Variants in KIF3A observed in about 807,000 individuals in gnomAD.
KIF3A encodes the protein kinesin family member 3A.
Under a neutral mutation model 92.6 loss-of-function variants are expected in KIF3A, and 27 were observed. The ratio of observed to expected loss-of-function variants is 0.29; its 90% CI spans 0.21 to 0.40. The LOEUF (loss-of-function observed/expected upper bound fraction) is 0.40, where lower values mean the gene tolerates loss of function less well. Among genes scored for constraint, KIF3A ranks in the 10% least tolerant of loss-of-function variants. The probability of loss-of-function intolerance (pLI) is 1.00; values close to 1 mark genes in which losing one functional copy is unlikely to be tolerated. For synonymous variants in KIF3A, 250 were observed against 275.4 expected, an observed-to-expected ratio of 0.91 and a Z score of 0.92; for missense variants, 581 against 872.6, an observed-to-expected ratio of 0.67 and a Z score of 4.21.
downstream of KIF3A, chr5:132,689,481 T>C (rs945304622): frequency 1.4e-4 from 22 of 152,230 alleles, no homozygotes; most frequent in African/African-American, 5.1e-4. Context: ...TCAGATATTA[T>C]AGTCCTATCA....
chr5:132,733,533 C>T (rs1356616090), intron 2 of KIF3A, among the ~76,000 whole-genome samples: 1 of 152,186 alleles, frequency 6.6e-6, no homozygotes, highest in Non-Finnish European at 1.5e-5. Flanking sequence ...CTTTGAAAGG[C>T]CTCAGTAGGA....
In KIF3A at chr5:132,734,245, A is replaced by G; in HGVS notation, c.240T>C (p.Thr80=). 1 of 1,613,848 alleles carries G rather than the reference A, an allele frequency of 6.2e-7. No homozygotes were observed. Among genetic ancestry groups the G allele is most frequent in the East Asian group, 2.2e-5 (1 of 44,870 alleles). ...ESKQLDVYNL[T]ARPIIDSVLE... is the part of the protein sequence containing the mutation. ...GTACAGAATCAATAATAGGTCTTGC[A>G]GTTAAGTTATAAACATCAAGTTGTT... The change falls in exon 2 of 19, where the codon ACT becomes ACC. Residue 80 remains threonine (T), a synonymous_variant. Transcript: ENST00000403231.
rs534425538 is a variant in KIF3A at position 132,694,499 on chromosome 5, G to C, written c.*2135C>G. 6.6e-6 allele frequency: 1 copy of C among 152,354 alleles called. No individual in the cohort carries two copies. Among genetic ancestry groups the C allele is most frequent in the East Asian group, 1.9e-4 (1 of 5,322 alleles). The allele number at this position is 152,354 out of a possible 1,614,324, so 9.4% of individuals were successfully genotyped here. A position where few individuals can be genotyped will look rare whatever the true frequency, so the allele number is the denominator to read the frequency against. The stretch of plus-strand genomic sequence containing the variant: ...TAGATTTATTTTTATTATCATGGTA[G>C]GGTGGGATAGAAAAAATATCTAACA... On this transcript the variant is annotated 3_prime_UTR_variant, in exon 19 of 19. Transcript: ENST00000403231.
In KIF3A at chr5:132,703,604, G is replaced by A. The variant is rs202110850; in HGVS notation, c.1325C>T (p.Ser442Phe). 2 of 1,604,140 alleles carry A rather than the reference G, an allele frequency of 1.2e-6. No homozygotes were observed. Among genetic ancestry groups the A allele is most frequent in the East Asian group, 2.2e-5 (1 of 44,714 alleles). Reference sequence around the variant, plus strand: ...TTGCATTTCAATCATCTTGTCTGGGGAGACTTTCTTTTTTCCTATTTGAAT... The same window carrying A: ...TTGCATTTCAATCATCTTGTCTGGGAAGACTTTCTTTTTTCCTATTTGAAT... Reference protein sequence around the residue: ...LPNQAGKKKVSPDKMIEMQAK... With the variant: ...LPNQAGKKKVFPDKMIEMQAK... Residue 442 changes from serine to phenylalanine, a missense_variant, in exon 12 of 19, where the codon TCC becomes TTC. Ser to Phe is a radical substitution (Grantham distance 155). Around this residue, in one of 5 missense-constraint regions of KIF3A, gnomAD observed 167 missense variants for 205.8 expected, o/e 0.81. Coordinates refer to ENST00000403231, the MANE Select transcript of KIF3A (RefSeq NM_001300791.2).
intron 6 of KIF3A, 83 bp from the exon 7 acceptor site, chr5:132,716,525 G>T: frequency 8.3e-7 from 1 of 1,199,966 alleles, no homozygotes; most frequent in Admixed American, 2.2e-5. Context: ...AAAAAGTAAT[G>T]TAACAGTAAA....
Position 132,737,538 on chromosome 5 carries a change from C to A in KIF3A, c.-119G>T, listed in dbSNP as rs1025316222. ...CACCTCGTTGACGCTCTCGAGACTG[C>A]GGCTTCTCGGGCGAGAGCGCCCAGT... On this transcript the variant is annotated 5_prime_UTR_variant, in exon 1 of 19. Transcript: ENST00000403231. The A allele has an allele frequency of 1.6e-6, 2 of 1,213,978 alleles. No homozygotes were observed. The highest frequency in any genetic ancestry group is 2.3e-6 in the Non-Finnish European group (2 of 881,816). 75.2% of individuals were successfully genotyped at this position (1,213,978 alleles called of 1,614,324 possible). A position where few individuals can be genotyped will look rare whatever the true frequency, so the allele number is the denominator to read the frequency against.
At chr5:132,722,105 GT>G (rs1753844739) in intron 4 of KIF3A, among the ~76,000 whole-genome samples, 1 of 152,184 alleles carries the variant, frequency 6.6e-6, no homozygotes, top group Admixed American at 6.5e-5. Context: ...CCTACTCTCA[GT>G]TTTTGTGTTC....
At chr5:132,728,620 C>T (rs1396066003) in intron 2 of KIF3A, among the ~76,000 whole-genome samples, 1 of 151,836 alleles carries the variant, frequency 6.6e-6, no homozygotes, top group African/African-American at 2.4e-5. Context: ...GCCTGTAGTC[C>T]CAGCTACTCG....
chr5:132,710,859 CTAATA>C (rs1753397067), intron 9 of KIF3A, 95 bp downstream of exon 9: 15 of 1,498,654 alleles, frequency 1.0e-5, no homozygotes, highest in Admixed American at 3.8e-5. Context: ...TAATTGTTAT[CTAATA>C]TATTAAACAG....
At chr5:132,703,811 T>C (rs895433118) in intron 11 of KIF3A, among the ~76,000 whole-genome samples, 192 bp from the exon 12 acceptor site, 17 of 151,942 alleles carry the variant, frequency 1.1e-4, no homozygotes, top group African/African-American at 4.1e-4. Context: ...TATAACTCAT[T>C]GCTAAATTCA....
Position 132,699,158 on chromosome 5 carries a change from G to T in KIF3A, c.2132+13C>A. 1 of 1,612,992 alleles carries T rather than the reference G, an allele frequency of 6.2e-7. No individual in the cohort carries two copies. The highest frequency in any genetic ancestry group is 8.5e-7 in the Non-Finnish European group (1 of 1,179,158). On this transcript the variant is annotated intron_variant, in intron 18 of 18. Coordinates refer to ENST00000403231, the MANE Select transcript of KIF3A (RefSeq NM_001300791.2). ...AATGCCTTCGTTTTACCAGATTCAAGGACAGTCCTTACCTTCTCCCTGTCT... is the reference window on the plus strand; with the variant it reads ...AATGCCTTCGTTTTACCAGATTCAATGACAGTCCTTACCTTCTCCCTGTCT...
At chr5:132,703,686 C>G in intron 11 of KIF3A, 67 bp from the exon 12 acceptor site, 2 of 1,174,026 alleles carry the variant, frequency 1.7e-6, no homozygotes, top group South Asian at 2.9e-5. Flanking sequence ...TATAAATTAC[C>G]TCCTTCAATA....
At position 132,715,949 on chromosome 5, in the gene KIF3A, T is replaced by G; in HGVS notation, c.955-18A>C. 1 of 1,521,634 alleles carries G rather than the reference T, an allele frequency of 6.6e-7. No individual in the cohort carries two copies. The allele number at this position is 1,521,634 out of a possible 1,614,324, so 94.3% of individuals were successfully genotyped here. On this transcript the variant is annotated intron_variant, in intron 7 of 18. Coordinates refer to ENST00000403231, the MANE Select transcript of KIF3A (RefSeq NM_001300791.2). ...TTTGCACACTATTGAATTAGAAATA[T>G]GAAACAAATCATTTTACACTTGACA... is the stretch of plus-strand genomic sequence containing the variant.
chr5:132,737,093 A>T (rs1033691635), intron 1 of KIF3A, among the ~76,000 whole-genome samples: 1 of 152,136 alleles, frequency 6.6e-6, no homozygotes, highest in African/African-American at 2.4e-5. Flanking sequence ...CCACCCCCAG[A>T]CGCCCCGCTC....
intron 4 of KIF3A, among the ~76,000 whole-genome samples, chr5:132,722,782 T>A (rs529930064): frequency 1.1e-4 from 16 of 152,312 alleles, no homozygotes; most frequent in Non-Finnish European, 2.1e-4. Context: ...TAAAAGACCA[T>A]GTCATTGGCA....
intron 9 of KIF3A, among the ~76,000 whole-genome samples, chr5:132,709,608 A>G (rs1436817742): frequency 6.6e-6 from 1 of 152,216 alleles, no homozygotes; most frequent in East Asian, 1.9e-4. Flanking sequence ...TATTTTTAAC[A>G]AATCTGTTAT....
intron 17 of KIF3A, 162 bp from the exon 18 acceptor site, chr5:132,699,457 G>A (rs115309366): frequency 3.6e-5 from 25 of 699,228 alleles, no homozygotes; most frequent in Non-Finnish European, 5.9e-5. Context: ...TATCTAAAAT[G>A]TACTTAATAA....
chr5:132,734,547 A>C, intron 1 of KIF3A, 69 bp from the exon 2 acceptor site: 1 of 1,428,486 alleles, frequency 7.0e-7, no homozygotes. Context: ...TTAAATTTAT[A>C]AACTTTAAAA....
rs112456763 is a variant in KIF3A at position 132,726,327 on chromosome 5, T to C, written c.425+27A>G. On this transcript the variant is annotated intron_variant, in intron 3 of 18. Transcript: ENST00000403231. ...TTTCCAGTGTTTGTACTTCTCAATATCAGAAAATAAAAGAATTCCCTTTTA... is the reference window on the plus strand; with the variant it reads ...TTTCCAGTGTTTGTACTTCTCAATACCAGAAAATAAAAGAATTCCCTTTTA... The C allele has an allele frequency of 2.9e-4, 459 of 1,610,346 alleles. No homozygotes were observed. In the African/African-American group the frequency reaches 5.6e-3, roughly 20 times the overall value.
Sources: gnomAD v4.1 joint callset for allele counts (sites outside exome capture counted in the v4.1 genomes callset) on GRCh38, gnomAD v4.1.1 for gene constraint, gnomAD v4.1.1 regional missense constraint, MANE v1.5 for transcripts, NCBI Gene and HGNC (gene_info 2026-07-23, HGNC 2026-07-21) for gene names.